The following DRC11 variants were observed in gnomAD, a reference collection of about 807,000 sequenced individuals.
DRC11 encodes the protein dynein regulatory complex subunit 11, also known as IQ and AAA domain-containing protein 1.
chr2:236,438,775 GCACCA>G, the DRC11 span, among the ~76,000 whole-genome samples: 1 of 151,874 alleles, frequency 6.6e-6, no homozygotes, highest in Admixed American at 6.6e-5. Context: ...ATTTTTTTCA[GCACCA>G]CACCACACCT....
At chr2:236,379,323 A>AAGGCAG in the DRC11 span, among the ~76,000 whole-genome samples, 1 of 85,370 alleles carries the variant, frequency 1.2e-5, no homozygotes, top group African/African-American at 5.0e-5. Context: ...CGACAGGACC[A>AAGGCAG]AGGGGAGGGA....
chr2:236,353,494 T>C, the DRC11 span, among the ~76,000 whole-genome samples: 1 of 152,196 alleles, frequency 6.6e-6, no homozygotes, highest in African/African-American at 2.4e-5. The surrounding 1 kb of genome is among the most constrained non-coding windows in gnomAD (Gnocchi z 5.0). Flanking sequence ...TGTTTCGGCA[T>C]GCATGGGTTA....
At chr2:236,377,109 A>C in the DRC11 span, 13 of 1,597,456 alleles carry the variant, frequency 8.1e-6, no homozygotes, top group African/African-American at 1.6e-4. This position sits in a 1 kb window ranked among gnomAD's most constrained non-coding sequence, Gnocchi z 4.9. Context: ...TCACCAATGT[A>C]ATCAGAGAGG....
the DRC11 span, among the ~76,000 whole-genome samples, chr2:236,450,889 C>T: frequency 7.9e-5 from 12 of 152,124 alleles, no homozygotes; most frequent in African/African-American, 2.7e-4. Context: ...TATTTTAATC[C>T]TAATGACTTT....
At chr2:236,499,191 T>C in the DRC11 span, among the ~76,000 whole-genome samples, 1 of 152,170 alleles carries the variant, frequency 6.6e-6, no homozygotes, top group African/African-American at 2.4e-5. This position sits in a 1 kb window ranked among gnomAD's most constrained non-coding sequence, Gnocchi z 4.7. Context: ...CCTGGTTGGC[T>C]AGTGCCTTAG....
chr2:236,312,348 TA>T, the DRC11 span, among the ~76,000 whole-genome samples: 13,059 of 151,562 alleles, frequency 0.086, 1,297 homozygotes, highest in East Asian at 0.24. Flanking sequence ...TCATAGTTCT[TA>T]AAAAAAAATA....
the DRC11 span, among the ~76,000 whole-genome samples, chr2:236,406,924 T>A: frequency 6.6e-6 from 1 of 152,134 alleles, no homozygotes; most frequent in South Asian, 2.1e-4. This position sits in a 1 kb window ranked among gnomAD's most constrained non-coding sequence, Gnocchi z 4.7. Flanking sequence ...TTTTTGTATA[T>A]TTAGTAGAGA....
At chr2:236,491,170 TATATATATATAC>T in the DRC11 span, among the ~76,000 whole-genome samples, 9 of 79,114 alleles carry the variant, frequency 1.1e-4, no homozygotes, top group African/African-American at 1.9e-4. Flanking sequence ...TATATATATA[TATATATATATAC>T]ACACAGTATA....
the DRC11 span, among the ~76,000 whole-genome samples, chr2:236,499,248 C>T: frequency 2.0e-5 from 3 of 152,278 alleles, 1 homozygote; most frequent in South Asian, 6.2e-4. The surrounding 1 kb of genome is among the most constrained non-coding windows in gnomAD (Gnocchi z 4.7). Flanking sequence ...CTAAATGTGG[C>T]CTATACAGAT....
At chr2:236,498,714 C>T in the DRC11 span, among the ~76,000 whole-genome samples, 8 of 152,148 alleles carry the variant, frequency 5.3e-5, no homozygotes, top group African/African-American at 1.9e-4. Context: ...CAGAATACTG[C>T]CCCATCCTTT....
chr2:236,420,723 T>G, the DRC11 span, among the ~76,000 whole-genome samples: 1 of 152,044 alleles, frequency 6.6e-6, no homozygotes, highest in Non-Finnish European at 1.5e-5. The surrounding 1 kb of genome is among the most constrained non-coding windows in gnomAD (Gnocchi z 4.8). Flanking sequence ...GGTGGGAGGA[T>G]TACCTGAGCC....
At chr2:236,343,734 T>A in the DRC11 span, 31 of 1,304,120 alleles carry the variant, frequency 2.4e-5, no homozygotes, top group Non-Finnish European at 3.0e-5. This position sits in a 1 kb window ranked among gnomAD's most constrained non-coding sequence, Gnocchi z 6.6. Context: ...TTTTCTGCAA[T>A]GCAGCAACTT....
chr2:236,377,259 T>C, the DRC11 span: 314 of 867,768 alleles, frequency 3.6e-4, 2 homozygotes, highest in Non-Finnish European at 5.7e-4. This position sits in a 1 kb window ranked among gnomAD's most constrained non-coding sequence, Gnocchi z 4.9. Context: ...AATGATCACA[T>C]ACGCGGAGAA....
At chr2:236,393,965 G>A in the DRC11 span, among the ~76,000 whole-genome samples, 1,170 of 152,210 alleles carry the variant, frequency 7.7e-3, 15 homozygotes, top group African/African-American at 0.026. The surrounding 1 kb of genome is among the most constrained non-coding windows in gnomAD (Gnocchi z 4.7). Flanking sequence ...CGCTGATATG[G>A]TGATGGTAAA....
chr2:236,465,779 C>T, the DRC11 span: 1 of 948,614 alleles, frequency 1.1e-6, no homozygotes, highest in East Asian at 2.5e-5. This position sits in a 1 kb window ranked among gnomAD's most constrained non-coding sequence, Gnocchi z 6.2. Flanking sequence ...ATATCAGAAA[C>T]TGAACAAATG....
the DRC11 span, among the ~76,000 whole-genome samples, chr2:236,366,238 G>A: frequency 2.6e-5 from 4 of 152,160 alleles, no homozygotes; most frequent in Admixed American, 2.6e-4. Context: ...CGGAGTCTAA[G>A]CCCTAGCCCC....
At chr2:236,327,410 A>G in the DRC11 span, among the ~76,000 whole-genome samples, 1 of 151,034 alleles carries the variant, frequency 6.6e-6, no homozygotes, top group African/African-American at 2.4e-5. Context: ...ATACCTGGCT[A>G]ATTTTTGTAT....
chr2:236,501,124 G>C, the DRC11 span, among the ~76,000 whole-genome samples: 10 of 152,308 alleles, frequency 6.6e-5, 1 homozygote, highest in South Asian at 2.1e-3. Context: ...GAGGCAAAGT[G>C]GGAGCAGGCA....
At chr2:236,422,234 G>C in the DRC11 span, among the ~76,000 whole-genome samples, 2 of 152,146 alleles carry the variant, frequency 1.3e-5, no homozygotes, top group Non-Finnish European at 2.9e-5. Flanking sequence ...AGGAAATAAA[G>C]GGTATTCAAT....
Sources: gnomAD v4.1 joint callset for allele counts (sites outside exome capture counted in the v4.1 genomes callset) on GRCh38, gnomAD v4.1.1 for gene constraint, Gnocchi (gnomAD v3.1) non-coding constraint, MANE v1.5 for transcripts, NCBI Gene and HGNC (gene_info 2026-07-23, HGNC 2026-07-21) for gene names.